Variants in PRKCB observed in about 807,000 individuals in gnomAD.
The protein encoded by PRKCB is protein kinase C beta type.
Under a neutral mutation model 81.5 loss-of-function variants are expected in PRKCB, and 13 were observed. The observed-to-expected ratio is 0.16, with a 90% CI of 0.10 to 0.25. The LOEUF (loss-of-function observed/expected upper bound fraction) is 0.25. Ranked by LOEUF, PRKCB falls within the 10% of genes least tolerant of loss-of-function variation. The pLI, the probability that PRKCB is intolerant of heterozygous loss-of-function variation, is 1.00. For synonymous variants in PRKCB, 335 were observed against 321.4 expected (o/e 1.04, Z -0.45); for missense variants, 509 against 875.7 (o/e 0.58, Z 5.29).
intron 2 of PRKCB, among the ~76,000 whole-genome samples, chr16:23,869,820 G>A (rs1962874116): frequency 6.6e-6 from 1 of 152,108 alleles, no homozygotes; most frequent in Non-Finnish European, 1.5e-5. Flanking sequence ...TCAGGAGTTT[G>A]AGACCAGCCT....
chr16:24,156,439 T>C (rs2141954959), intron 10 of PRKCB, among the ~76,000 whole-genome samples: 1 of 152,254 alleles, frequency 6.6e-6, no homozygotes, highest in Middle Eastern at 3.4e-3. Flanking sequence ...CACGCCCAGC[T>C]AATTTTTGAA....
At chr16:24,085,670 G>C (rs1247226280) in intron 5 of PRKCB, among the ~76,000 whole-genome samples, 1 of 152,142 alleles carries the variant, frequency 6.6e-6, no homozygotes, top group South Asian at 2.1e-4. Context: ...GAATTTGGGG[G>C]TGGGGAGACA....
intron 12 of PRKCB, among the ~76,000 whole-genome samples, chr16:24,180,092 C>T (rs1041496093): frequency 2.0e-5 from 3 of 152,104 alleles, no homozygotes; most frequent in African/African-American, 7.2e-5. Flanking sequence ...CTACAGGCGC[C>T]CACGACCACG....
chr16:24,057,010 T>C lies in PRKCB; in HGVS notation c.529+21463T>C, dbSNP rs117992922. 5.3e-3 allele frequency among the ~76,000 whole-genome samples: 812 copies of C among 152,272 alleles called. 29 individuals are homozygous for C. The East Asian group carries it at 0.095, about 18-fold the overall frequency. ...ATTCAAACGTGTCTTTCCCTGATTA[T>C]TTATGGCCACTAAAATGGAAGGTGA... is the stretch of plus-strand genomic sequence containing the variant. On this transcript the variant is annotated intron_variant, in intron 5 of 16. Coordinates refer to ENST00000643927, the MANE Select transcript of PRKCB (RefSeq NM_002738.7).
rs184607044 is a variant in PRKCB, at chr16:24,178,569, A to C, written c.1395-2221A>C. Among the ~76,000 whole-genome samples the C allele has an allele frequency of 3.9e-3, 589 of 152,388 alleles. 5 individuals are homozygous for C. The highest frequency in any genetic ancestry group is 0.02 in the Middle Eastern group (6 of 294). On this transcript the variant is annotated intron_variant, in intron 12 of 16. Transcript: ENST00000643927. ...TAGAGAAATCACATATATCACATAT[A>C]GACCTACCTAGTAAGTTTATGAAAA...
At chr16:23,917,368 C>A (rs781479120) in intron 2 of PRKCB, among the ~76,000 whole-genome samples, 13 of 152,222 alleles carry the variant, frequency 8.5e-5, no homozygotes, top group African/African-American at 3.1e-4. Flanking sequence ...TGAGCCACCA[C>A]GCCCGGCCAC....
At chr16:24,026,849 C>T (rs1965487024) in intron 3 of PRKCB, among the ~76,000 whole-genome samples, 1 of 152,156 alleles carries the variant, frequency 6.6e-6, no homozygotes, top group Admixed American at 6.5e-5. Context: ...TGCCTTTTAA[C>T]CTCCATGCGA....
At chr16:24,169,069 T>G (rs922982283) in intron 10 of PRKCB, among the ~76,000 whole-genome samples, 2 of 152,024 alleles carry the variant, frequency 1.3e-5, no homozygotes, top group African/African-American at 4.8e-5. Context: ...TGTTAGAGAT[T>G]ATCGCATATG....
At chr16:23,902,057 C>T (rs767619057) in intron 2 of PRKCB, among the ~76,000 whole-genome samples, 1 of 151,978 alleles carries the variant, frequency 6.6e-6, no homozygotes, top group Admixed American at 6.6e-5. Flanking sequence ...ATTTTTACCC[C>T]CAGGAAGAGA....
intron 2 of PRKCB, among the ~76,000 whole-genome samples, chr16:23,929,475 G>A (rs1963941822): frequency 6.6e-6 from 1 of 152,096 alleles, no homozygotes; most frequent in Non-Finnish European, 1.5e-5. Context: ...AAATAGGAGT[G>A]AAATACCTCA....
chr16:23,855,247 C>T (rs191738065), intron 2 of PRKCB, among the ~76,000 whole-genome samples: 26 of 152,168 alleles, frequency 1.7e-4, no homozygotes, highest in African/African-American at 4.1e-4. Context: ...TGATGGAGTG[C>T]GGATGAGGTC....
At position 24,033,377 on chromosome 16, in the gene PRKCB, C is replaced by T. The variant is rs1965572240; in HGVS notation, c.400+1130C>T. 2.0e-5 allele frequency among the ~76,000 whole-genome samples: 3 copies of T among 152,052 alleles called. No homozygotes were observed. The South Asian group carries it at 6.2e-4, about 32-fold the overall frequency. On this transcript the variant is annotated intron_variant, in intron 4 of 16. Coordinates refer to ENST00000643927, the MANE Select transcript of PRKCB (RefSeq NM_002738.7). ...CAGGGGAAAGATGGACACATGCAACCCTAACACAGGGAGGAATGTGGGGCG... is the reference window on the plus strand; with the variant it reads ...CAGGGGAAAGATGGACACATGCAACTCTAACACAGGGAGGAATGTGGGGCG...
At position 24,067,958 on chromosome 16, in the gene PRKCB, A is replaced by G. The variant is rs1285741366; in HGVS notation, c.530-24833A>G. ...CTCCGTCTCAAAAAAAAAAAAAAAA[A>G]AGAGAGAGAGAGAGAGCTGAGGAAG... On this transcript the variant is annotated intron_variant, in intron 5 of 16. Coordinates refer to ENST00000643927, the MANE Select transcript of PRKCB (RefSeq NM_002738.7). Among the ~76,000 whole-genome samples, 629 of 138,650 alleles carry G rather than the reference A, an allele frequency of 4.5e-3. 7 individuals carry two copies. The highest frequency in any genetic ancestry group is 0.012 in the African/African-American group (395 of 32,004). 91.0% of individuals were successfully genotyped at this position (138,650 alleles called of 152,430 possible). A position where few individuals can be genotyped will look rare whatever the true frequency, so the allele number is the denominator to read the frequency against.
chr16:23,922,436 G>C (rs1426910301), intron 2 of PRKCB, among the ~76,000 whole-genome samples: 1 of 152,036 alleles, frequency 6.6e-6, no homozygotes, highest in African/African-American at 2.4e-5. Context: ...GACATGGTAT[G>C]GACCAAAAAA....
chr16:24,135,642 G>A (rs772345808), intron 9 of PRKCB, among the ~76,000 whole-genome samples: 5 of 151,998 alleles, frequency 3.3e-5, no homozygotes, highest in South Asian at 2.1e-4. Context: ...AGCCAAGCCC[G>A]GCACCAGATT....
At position 24,137,739 on chromosome 16, in the gene PRKCB, C is replaced by T. The variant is rs566296599; in HGVS notation, c.1065+13758C>T. Among the ~76,000 whole-genome samples the T allele has an allele frequency of 1.1e-4, 17 of 152,320 alleles. No individual in the cohort carries two copies. In the South Asian group the frequency reaches 3.3e-3, roughly 30 times the overall value. The stretch of plus-strand genomic sequence containing the variant: ...GGTAAAATGAATCCCTGGTTACTAA[C>T]AGCATAACCCATAATCTTTTCTATA... On this transcript the variant is annotated intron_variant, in intron 9 of 16. Transcript: ENST00000643927.
At chr16:24,188,382 C>A (rs1201849889) in intron 15 of PRKCB, among the ~76,000 whole-genome samples, 1 of 152,164 alleles carries the variant, frequency 6.6e-6, no homozygotes, top group Non-Finnish European at 1.5e-5. Flanking sequence ...TTAAATCCAG[C>A]TGTCTACATG....
chr16:23,869,237 C>T, intron 2 of PRKCB: 3 of 383,568 alleles, frequency 7.8e-6, no homozygotes, highest in South Asian at 5.6e-5. Flanking sequence ...CATTGTTCTT[C>T]CCACCTCTGC....
chr16:24,213,729 T>A (rs1968182139), intron 16 of PRKCB, among the ~76,000 whole-genome samples: 1 of 152,152 alleles, frequency 6.6e-6, no homozygotes, highest in African/African-American at 2.4e-5. Flanking sequence ...AACCCCAAAT[T>A]AGCGGTTTGC....
Sources: gnomAD v4.1 joint callset for allele counts (sites outside exome capture counted in the v4.1 genomes callset) on GRCh38, gnomAD v4.1.1 for gene constraint, MANE v1.5 for transcripts, NCBI Gene and HGNC (gene_info 2026-07-23, HGNC 2026-07-21) for gene names.